The following ST3GAL2 variants were observed in gnomAD, a reference collection of about 807,000 sequenced individuals.
ST3GAL2 encodes ST3 beta-galactoside alpha-2,3-sialyltransferase 2.
Under a neutral mutation model 37.5 loss-of-function variants are expected in ST3GAL2, and 16 were observed. The observed-to-expected ratio is 0.43, with a 90% CI of 0.29 to 0.65. The LOEUF (loss-of-function observed/expected upper bound fraction) is 0.65. ST3GAL2 is among the 30% of genes least tolerant of loss of function. The probability of loss-of-function intolerance (pLI) is 0.17; values close to 1 mark genes in which losing one functional copy is unlikely to be tolerated. For synonymous variants in ST3GAL2, 238 were observed against 202.9 expected (o/e 1.17, Z -1.47); for missense variants, 383 against 487.8 (o/e 0.79, Z 2.02).
chr16:70,424,003 A>G (rs1218657399), intron 1 of ST3GAL2, among the ~76,000 whole-genome samples: 1 of 151,806 alleles, frequency 6.6e-6, no homozygotes, highest in Non-Finnish European at 1.5e-5. Context: ...GCTGGCAGTG[A>G]GCCAAGATCG....
intron 1 of ST3GAL2, among the ~76,000 whole-genome samples, chr16:70,430,085 C>A (rs2047779203): frequency 6.6e-6 from 1 of 152,248 alleles, no homozygotes; most frequent in African/African-American, 2.4e-5. Context: ...CCAAACAGAC[C>A]TGCCCTGATG....
intron 1 of ST3GAL2, among the ~76,000 whole-genome samples, chr16:70,407,954 G>A (rs982316096): frequency 2.0e-5 from 3 of 152,058 alleles, no homozygotes; most frequent in African/African-American, 7.2e-5. Context: ...TGGGGGGATG[G>A]GTGCTGCTTG....
chr16:70,433,818 A>G (rs2047806862), intron 1 of ST3GAL2, among the ~76,000 whole-genome samples: 1 of 152,224 alleles, frequency 6.6e-6, no homozygotes, highest in Non-Finnish European at 1.5e-5. Context: ...CTTGCAACCA[A>G]ATAGGATTCC....
At chr16:70,434,120 A>C (rs1299856123) in intron 1 of ST3GAL2, among the ~76,000 whole-genome samples, 1 of 151,806 alleles carries the variant, frequency 6.6e-6, no homozygotes, top group Non-Finnish European at 1.5e-5. Flanking sequence ...CCTCCACAAC[A>C]CTCAGCACAG....
intron 3 of ST3GAL2, among the ~76,000 whole-genome samples, chr16:70,391,800 G>A (rs1421902450): frequency 6.6e-6 from 1 of 152,170 alleles, no homozygotes; most frequent in African/African-American, 2.4e-5. Flanking sequence ...ATAGAGATGG[G>A]GTTTTGCCAT....
chr16:70,383,501 G>A (rs1247576127), intron 4 of ST3GAL2, among the ~76,000 whole-genome samples: 7 of 144,826 alleles, frequency 4.8e-5, no homozygotes, highest in East Asian at 2.1e-4. Context: ...TCAGTGCGCC[G>A]AGATCACACC....
intron 3 of ST3GAL2, among the ~76,000 whole-genome samples, chr16:70,389,390 G>A (rs2047467105): frequency 6.7e-6 from 1 of 150,350 alleles, no homozygotes; most frequent in African/African-American, 2.5e-5. Context: ...TGCAATCCCC[G>A]CCTCCGCCTC....
intron 5 of ST3GAL2, 31 bp from the exon 6 acceptor site, chr16:70,382,955 G>A (rs772217801): frequency 6.2e-7 from 1 of 1,607,716 alleles, no homozygotes; most frequent in East Asian, 2.2e-5. Flanking sequence ...AGGTATATGA[G>A]GGGTTTAGGG....
chr16:70,392,764 T>C lies in ST3GAL2; in HGVS notation c.533+2218A>G, dbSNP rs1431541214. On this transcript the variant is annotated intron_variant, in intron 3 of 6. Coordinates refer to ENST00000342907, the MANE Select transcript of ST3GAL2 (RefSeq NM_006927.4). ...GTTCCAAACTTGGATATGTCTACAATTGGAGTCACCCCCAGTGCCATCTGT... is the reference window on the plus strand; with the variant it reads ...GTTCCAAACTTGGATATGTCTACAACTGGAGTCACCCCCAGTGCCATCTGT... Among the ~76,000 whole-genome samples the C allele has an allele frequency of 5.3e-5, 8 of 152,280 alleles. No homozygotes were observed. In the East Asian group the frequency reaches 1.5e-3, roughly 29 times the overall value.
At chr16:70,394,145 C>A (rs1364926424) in intron 3 of ST3GAL2, among the ~76,000 whole-genome samples, 1 of 152,214 alleles carries the variant, frequency 6.6e-6, no homozygotes, top group African/African-American at 2.4e-5. Context: ...TCGGTCAAGA[C>A]TGAACGCCCT....
At chr16:70,383,792 T>C (rs1402003177) in intron 4 of ST3GAL2, among the ~76,000 whole-genome samples, 1 of 151,686 alleles carries the variant, frequency 6.6e-6, no homozygotes, top group Non-Finnish European at 1.5e-5. Flanking sequence ...CCGTGGCTTG[T>C]TCATCATTGC....
At chr16:70,413,560 C>CAA (rs978301918) in intron 1 of ST3GAL2, among the ~76,000 whole-genome samples, 5,056 of 31,870 alleles carry the variant, frequency 0.16, 876 homozygotes, top group African/African-American at 0.26. Flanking sequence ...ATCAAAAATA[C>CAA]AAAAAAAAAA....
At chr16:70,395,368 G>T (rs914244529) in intron 2 of ST3GAL2, among the ~76,000 whole-genome samples, 193 bp from the exon 3 acceptor site, 1 of 152,348 alleles carries the variant, frequency 6.6e-6, no homozygotes. Flanking sequence ...CAACAGCAAA[G>T]TCCCCGGTTG....
intron 1 of ST3GAL2, chr16:70,400,518 T>C (rs981317901): frequency 1.3e-5 from 2 of 152,304 alleles, no homozygotes; most frequent in Admixed American, 1.3e-4. Context: ...CAGCCCACTT[T>C]TGGGGTCTCC....
chr16:70,402,049 C>T (rs2047559572), intron 1 of ST3GAL2, among the ~76,000 whole-genome samples: 1 of 149,610 alleles, frequency 6.7e-6, no homozygotes, highest in Non-Finnish European at 1.5e-5. Context: ...CCTGTAATCC[C>T]AGCACTTTCG....
chr16:70,439,055 G>A lies in ST3GAL2; in HGVS notation c.-1110C>T. ...GCCGCCGCCGCCGCCGCCGTCGTCC[G>A]GACCCGTTAGCTCGCAGCTCTCTCG... On this transcript the variant is annotated 5_prime_UTR_variant, in exon 1 of 7. Coordinates refer to ENST00000342907, the MANE Select transcript of ST3GAL2 (RefSeq NM_006927.4). The A allele has an allele frequency of 6.1e-6, 1 of 164,204 alleles. No homozygotes were observed. The highest frequency in any genetic ancestry group is 1.3e-5 in the Non-Finnish European group (1 of 79,336). The allele number at this position is 164,204 out of a possible 1,614,324, so 10.2% of individuals were successfully genotyped here. A position where few individuals can be genotyped will look rare whatever the true frequency, so the allele number is the denominator to read the frequency against.
chr16:70,430,263 C>T (rs1036847738), intron 1 of ST3GAL2, among the ~76,000 whole-genome samples: 23 of 152,274 alleles, frequency 1.5e-4, no homozygotes, highest in African/African-American at 5.5e-4. Context: ...ACAATGCCCT[C>T]TAAAATACCT....
chr16:70,417,904 C>T (rs1440560013), intron 1 of ST3GAL2, among the ~76,000 whole-genome samples: 5 of 152,064 alleles, frequency 3.3e-5, no homozygotes, highest in Non-Finnish European at 5.9e-5. Flanking sequence ...CACTACCTCC[C>T]GGGGTGAAGG....
chr16:70,389,550 C>CA (rs1162583200), intron 3 of ST3GAL2, among the ~76,000 whole-genome samples: 1 of 152,104 alleles, frequency 6.6e-6, no homozygotes, highest in African/African-American at 2.4e-5. Flanking sequence ...CTGCAACCTC[C>CA]ACCTCCTGGG....
Sources: allele counts gnomAD v4.1 joint callset (sites outside exome capture counted in the v4.1 genomes callset), GRCh38; gene constraint gnomAD v4.1.1; transcripts MANE v1.5; gene names NCBI Gene and HGNC (gene_info 2026-07-23, HGNC 2026-07-21).